The following TINAG variants were observed in gnomAD, a reference collection of about 807,000 sequenced individuals.
The protein encoded by TINAG is tubulointerstitial nephritis antigen.
In TINAG, 83 loss-of-function variants were observed where a neutral mutation model predicts 72.7. That is an observed-to-expected ratio of 1.14 (90% CI 0.96 to 1.37). The LOEUF (loss-of-function observed/expected upper bound fraction) is 1.37, where lower values mean the gene tolerates loss of function less well. Ranked by LOEUF, TINAG falls within the 40% of genes most tolerant of loss-of-function variation. The pLI, the probability that TINAG is intolerant of heterozygous loss-of-function variation, is 0.00. For missense variants in TINAG, 685 were observed against 576.6 expected, an observed-to-expected ratio of 1.19 and a Z score of -1.93; for synonymous variants, 234 against 189.9, an observed-to-expected ratio of 1.23 and a Z score of -1.91.
In TINAG at chr6:54,354,539, T is replaced by C; in HGVS notation, c.1153T>C (p.Phe385Leu). The stretch of plus-strand genomic sequence containing the variant: ...CATAATGCAAGTCCGTGAAGATTTC[T>C]TCCATTATAAGACAGGGATATACAG... ...QAIMQVREDF[F>L]HYKTGIYRHV... Residue 385 changes from phenylalanine (F) to leucine (L), a missense_variant, in exon 9 of 11, where the codon TTC (phenylalanine) becomes CTC (leucine). By Grantham distance (22) the Phe-to-Leu change is conservative. Coordinates refer to ENST00000259782, the MANE Select transcript of TINAG (RefSeq NM_014464.4). 6.2e-7 allele frequency: 1 copy of C among 1,606,264 alleles called. No homozygotes were observed. The highest frequency in any genetic ancestry group is 8.5e-7 in the Non-Finnish European group (1 of 1,176,376).
intron 5 of TINAG, among the ~76,000 whole-genome samples, chr6:54,343,732 T>C (rs548778412): frequency 6.6e-6 from 1 of 150,468 alleles, no homozygotes; most frequent in Non-Finnish European, 1.5e-5. Context: ...ATACCTTTAC[T>C]CTTTATATGA....
rs573316268 is a variant in TINAG, at chr6:54,376,106, C to T, written c.1251-4420C>T. On this transcript the variant is annotated intron_variant, in intron 9 of 10. Transcript: ENST00000259782. ...TGCTGATTTTGCCATAAATTCTACA[C>T]TCCCATGTCAAGAAGAAATTTCTAC... Among the ~76,000 whole-genome samples the T allele has an allele frequency of 2.8e-4, 42 of 152,260 alleles. No homozygotes were observed. In the South Asian group the frequency reaches 6.6e-3, roughly 24 times the overall value.
rs1235613302 is a variant in TINAG, at chr6:54,310,567, CCT to C, written c.355+1669_355+1670del. On this transcript the variant is annotated intron_variant, in intron 1 of 10. Coordinates refer to ENST00000259782, the MANE Select transcript of TINAG (RefSeq NM_014464.4). ...TCTCCCCTTCCTTCCTCCTTCCCTC[CCT>C]CTCTCTTTCTTCTCTTCTTTCTTTC... Among the ~76,000 whole-genome samples, 20 of 143,258 alleles carry C rather than the reference CCT, an allele frequency of 1.4e-4. No individual in the cohort carries two copies. In the East Asian group the frequency reaches 2.7e-3, roughly 20 times the overall value. 94.0% of individuals were successfully genotyped at this position (143,258 alleles called of 152,430 possible). A position where few individuals can be genotyped will look rare whatever the true frequency, so the allele number is the denominator to read the frequency against.
At chr6:54,375,199 G>T (rs527936458) in intron 9 of TINAG, among the ~76,000 whole-genome samples, 1 of 152,146 alleles carries the variant, frequency 6.6e-6, no homozygotes, top group African/African-American at 2.4e-5. Flanking sequence ...TAACACATGA[G>T]TTAGGAAATA....
chr6:54,355,429 A>G (rs1763003667), intron 9 of TINAG, among the ~76,000 whole-genome samples: 1 of 151,874 alleles, frequency 6.6e-6, no homozygotes, highest in South Asian at 2.1e-4. Flanking sequence ...ACCTACAATC[A>G]AATTGTTGTC....
At chr6:54,320,509 T>C (rs1396630541) in intron 1 of TINAG, 70 bp from the exon 2 acceptor site, 36 of 1,256,538 alleles carry the variant, frequency 2.9e-5, no homozygotes, top group Non-Finnish European at 3.4e-5. Flanking sequence ...TGATTTTTGA[T>C]TACATTTTAT....
In TINAG at chr6:54,319,190, C is replaced by G. The variant is rs1784436526; in HGVS notation, c.356-1389C>G. ...AAATCAGCTTTGTTTTTATCCCACA[C>G]TCTCAGTTTTTAAGAATGGTCAGGA... On this transcript the variant is annotated intron_variant, in intron 1 of 10. Coordinates refer to ENST00000259782, the MANE Select transcript of TINAG (RefSeq NM_014464.4). 2.0e-5 allele frequency among the ~76,000 whole-genome samples: 3 copies of G among 152,132 alleles called. No individual in the cohort carries two copies. The South Asian group carries it at 6.2e-4, about 31-fold the overall frequency.
At chr6:54,312,966 T>G (rs1380386538) in intron 1 of TINAG, among the ~76,000 whole-genome samples, 2 of 152,166 alleles carry the variant, frequency 1.3e-5, no homozygotes, top group African/African-American at 4.8e-5. Context: ...GTGGAACTCC[T>G]CATTTTTGCT....
intron 5 of TINAG, among the ~76,000 whole-genome samples, chr6:54,344,503 A>T (rs1785074061): frequency 6.6e-6 from 1 of 152,202 alleles, no homozygotes; most frequent in African/African-American, 2.4e-5. Flanking sequence ...AGGTTGTTTC[A>T]GATGGGTGGA....
intron 4 of TINAG, among the ~76,000 whole-genome samples, chr6:54,329,225 A>T (rs940280990): frequency 1.3e-5 from 2 of 152,204 alleles, no homozygotes; most frequent in Non-Finnish European, 1.5e-5. Flanking sequence ...AGTCAGATAG[A>T]AAGATCAGAT....
At chr6:54,379,063 C>T (rs921772234) in intron 9 of TINAG, among the ~76,000 whole-genome samples, 11 of 152,120 alleles carry the variant, frequency 7.2e-5, no homozygotes, top group Admixed American at 6.6e-4. Context: ...ATTTGCATCT[C>T]TTCTAGGAAT....
intron 3 of TINAG, 138 bp downstream of exon 3, chr6:54,321,524 T>A (rs563098810): frequency 1.6e-6 from 1 of 631,654 alleles, no homozygotes; most frequent in East Asian, 2.8e-5. Context: ...ATAGAAAGCA[T>A]GTAAACCTGG....
chr6:54,331,151 C>CA (rs1784731048), intron 4 of TINAG, among the ~76,000 whole-genome samples: 1 of 152,026 alleles, frequency 6.6e-6, no homozygotes, highest in South Asian at 2.1e-4. Context: ...AGAGACACGA[C>CA]AAAAAACAAA....
At chr6:54,367,458 C>T (rs913383379) in intron 9 of TINAG, among the ~76,000 whole-genome samples, 2 of 151,718 alleles carry the variant, frequency 1.3e-5, no homozygotes, top group Non-Finnish European at 2.9e-5. Flanking sequence ...GTGGAGACAG[C>T]TACATGGACA....
intron 8 of TINAG, among the ~76,000 whole-genome samples, chr6:54,353,269 T>G (rs1204265869): frequency 2.0e-5 from 3 of 151,840 alleles, no homozygotes; most frequent in Non-Finnish European, 4.4e-5. Context: ...AAAGAGTCAA[T>G]GGTTCTACAG....
intron 4 of TINAG, among the ~76,000 whole-genome samples, chr6:54,333,591 A>G (rs762486279): frequency 3.9e-5 from 6 of 152,088 alleles, no homozygotes; most frequent in Non-Finnish European, 7.4e-5. Context: ...CGTTCTACAC[A>G]TGTATCCCAG....
At position 54,356,388 on chromosome 6, in the gene TINAG, T is replaced by C. The variant is rs111546033; in HGVS notation, c.1250+1752T>C. Among the ~76,000 whole-genome samples the C allele has an allele frequency of 9.2e-5, 14 of 151,682 alleles. 1 individual carries two copies. Among genetic ancestry groups the C allele is most frequent in the African/African-American group, 3.4e-4 (14 of 41,414 alleles). Reference sequence around the variant, plus strand: ...TCTTTCTATAAAAAAAATACAAAAATTAGCTGGGCATGGTTGCAGACACCT... The same window carrying C: ...TCTTTCTATAAAAAAAATACAAAAACTAGCTGGGCATGGTTGCAGACACCT... On this transcript the variant is annotated intron_variant, in intron 9 of 10. Coordinates refer to ENST00000259782, the MANE Select transcript of TINAG (RefSeq NM_014464.4).
chr6:54,372,761 TATATATATATAC>T (rs1763667339), intron 9 of TINAG, among the ~76,000 whole-genome samples: 1 of 35,936 alleles, frequency 2.8e-5, no homozygotes, highest in African/African-American at 2.1e-4. Context: ...TATATATATA[TATATATATATAC>T]ACACACACAC....
chr6:54,380,381 G>C (rs114159081), intron 9 of TINAG, 145 bp from the exon 10 acceptor site: 1 of 571,068 alleles, frequency 1.8e-6, no homozygotes, highest in African/African-American at 1.9e-5. Context: ...CATTTCTGTA[G>C]GGCAATGGTG....
Sources: gnomAD v4.1 joint callset for allele counts (sites outside exome capture counted in the v4.1 genomes callset) on GRCh38, gnomAD v4.1.1 for gene constraint, MANE v1.5 for transcripts, NCBI Gene and HGNC (gene_info 2026-07-23, HGNC 2026-07-21) for gene names.